The following STX18 variants were observed in gnomAD, a reference collection of about 807,000 sequenced individuals.
The protein encoded by STX18 is syntaxin 18, also known as syntaxin-18.
STX18 carries 40 observed loss-of-function variants against 50.1 expected under a neutral mutation model. That is an observed-to-expected ratio of 0.80 (90% confidence interval 0.62 to 1.04). The LOEUF is 1.04. STX18 is among the 50% of genes least tolerant of loss of function. STX18 has a pLI of 0.00. For synonymous variants in STX18, 158 were observed against 151.8 expected (o/e 1.04, Z -0.30); for missense variants, 410 against 415.8 (o/e 0.99, Z 0.12).
intron 1 of STX18, among the ~76,000 whole-genome samples, chr4:4,541,126 T>C (rs1731567412): frequency 6.6e-6 from 1 of 152,224 alleles, no homozygotes; most frequent in African/African-American, 2.4e-5. Context: ...AAACATTTAC[T>C]AAGCAATGCT....
chr4:4,468,436 G>A (rs1727732612), intron 2 of STX18, among the ~76,000 whole-genome samples: 1 of 152,006 alleles, frequency 6.6e-6, no homozygotes, highest in Admixed American at 6.5e-5. Flanking sequence ...CTGACATGTC[G>A]CCAGCCTGCG....
At chr4:4,535,922 C>A (rs1731308773) in intron 1 of STX18, among the ~76,000 whole-genome samples, 1 of 152,206 alleles carries the variant, frequency 6.6e-6, no homozygotes, top group African/African-American at 2.4e-5. Context: ...CCCAGCTCAA[C>A]CTTTGGGTCC....
intron 1 of STX18, among the ~76,000 whole-genome samples, chr4:4,538,557 A>G (rs909678683): frequency 1.1e-4 from 15 of 140,418 alleles, no homozygotes; most frequent in African/African-American, 3.9e-4. Context: ...TAAATGGCCT[A>G]CATGAGGAGG....
intron 2 of STX18, among the ~76,000 whole-genome samples, chr4:4,470,227 G>C (rs528311352): frequency 3.3e-5 from 5 of 152,316 alleles, no homozygotes; most frequent in African/African-American, 1.2e-4. Flanking sequence ...TCAGTTTTGG[G>C]CCGGGTAAGT....
At chr4:4,533,613 G>C (rs1348940268) in intron 1 of STX18, among the ~76,000 whole-genome samples, 1 of 152,200 alleles carries the variant, frequency 6.6e-6, no homozygotes, top group African/African-American at 2.4e-5. Flanking sequence ...CACACAAGTT[G>C]ACGTGAGCTT....
At chr4:4,421,020 T>C (rs1423406508) in intron 9 of STX18, 76 bp from the exon 10 acceptor site, 2 of 1,427,444 alleles carry the variant, frequency 1.4e-6, no homozygotes, top group African/African-American at 1.4e-5. Context: ...CCAACGAGCA[T>C]TTCCTTTGAG....
chr4:4,471,900 C>T lies in STX18; in HGVS notation c.169-194G>A, dbSNP rs1727940625. ...GGCCTCAGTCTCTCATCGATGGTTC[C>T]TTCCACCTCTAATTATTAGGACCTA... On this transcript the variant is annotated intron_variant, in intron 1 of 10. Transcript: ENST00000306200. Among the ~76,000 whole-genome samples, 3 of 152,322 alleles carry T rather than the reference C, an allele frequency of 2.0e-5. No homozygotes were observed. In the South Asian group the frequency reaches 6.2e-4, roughly 32 times the overall value.
chr4:4,434,279 A>T (rs1025532249), intron 7 of STX18, among the ~76,000 whole-genome samples: 3 of 152,194 alleles, frequency 2.0e-5, no homozygotes, highest in African/African-American at 7.2e-5. Flanking sequence ...TGGCAGACCT[A>T]TCAGTTCCTT....
chr4:4,489,390 AATTTTTTT>A (rs1316821344), intron 1 of STX18, among the ~76,000 whole-genome samples: 7 of 105,686 alleles, frequency 6.6e-5, no homozygotes, highest in African/African-American at 2.3e-4. Context: ...CATGCAAAAT[AATTTTTTT>A]TTTTTTTTTT....
At chr4:4,540,824 C>G (rs1307181992) in intron 1 of STX18, among the ~76,000 whole-genome samples, 2 of 152,168 alleles carry the variant, frequency 1.3e-5, no homozygotes, top group African/African-American at 2.4e-5. Flanking sequence ...TCAAAAATAT[C>G]TGAGTGTCTA....
chr4:4,540,080 C>T (rs1447825845), intron 1 of STX18, among the ~76,000 whole-genome samples: 1 of 152,182 alleles, frequency 6.6e-6, no homozygotes, highest in African/African-American at 2.4e-5. Context: ...TTCTCTTCCT[C>T]TTATTTCAAC....
In STX18 at chr4:4,419,965, G is replaced by C. The variant is rs926509094; in HGVS notation, c.*69C>G. 1.0e-5 allele frequency: 13 copies of C among 1,305,058 alleles called. 1 individual carries two copies. In the South Asian group the frequency reaches 1.6e-4, roughly 17 times the overall value. The allele number at this position is 1,305,058 out of a possible 1,614,324, so 80.8% of individuals were successfully genotyped here. Reference sequence around the variant, plus strand: ...CTGGTCATACCATGCTCCAGCACTGGAAGTACATGAAAGCACGCAGTCTGT... The same window carrying C: ...CTGGTCATACCATGCTCCAGCACTGCAAGTACATGAAAGCACGCAGTCTGT... On this transcript the variant is annotated 3_prime_UTR_variant, in exon 11 of 11. Transcript: ENST00000306200.
intron 1 of STX18, among the ~76,000 whole-genome samples, chr4:4,504,650 A>T (rs1729612658): frequency 6.6e-6 from 1 of 152,244 alleles, no homozygotes; most frequent in Non-Finnish European, 1.5e-5. Flanking sequence ...AATTAAAAAT[A>T]GGCAAAAGAC....
intron 5 of STX18, among the ~76,000 whole-genome samples, chr4:4,442,483 G>A (rs1487811815): frequency 6.6e-6 from 1 of 152,138 alleles, no homozygotes; most frequent in Non-Finnish European, 1.5e-5. Flanking sequence ...CGGGCGTGGT[G>A]GCACGCACCT....
At chr4:4,529,846 C>A (rs774321731) in intron 1 of STX18, among the ~76,000 whole-genome samples, 1 of 152,160 alleles carries the variant, frequency 6.6e-6, no homozygotes, top group Non-Finnish European at 1.5e-5. Context: ...CCATTATTAT[C>A]ATTTATTATG....
At chr4:4,469,903 T>C (rs1337209401) in intron 2 of STX18, among the ~76,000 whole-genome samples, 1 of 152,176 alleles carries the variant, frequency 6.6e-6, no homozygotes, top group Non-Finnish European at 1.5e-5. Flanking sequence ...GAGTAGGCTC[T>C]GATGCCACCT....
intron 4 of STX18, 31 bp downstream of exon 4, chr4:4,457,392 T>A (rs1727136513): frequency 2.5e-6 from 4 of 1,595,310 alleles, no homozygotes; most frequent in Non-Finnish European, 2.6e-6. Flanking sequence ...TGTGAAATGT[T>A]ACATTTGACC....
intron 1 of STX18, chr4:4,507,631 T>C (rs1729780191): frequency 2.6e-6 from 2 of 770,456 alleles, no homozygotes; most frequent in Admixed American, 3.4e-5. Context: ...GGCAAGAGAA[T>C]TCACGTGAAC....
chr4:4,499,610 T>C, intron 1 of STX18: 1 of 821,566 alleles, frequency 1.2e-6, no homozygotes, highest in Non-Finnish European at 1.5e-6. Context: ...AAACATTCAT[T>C]ATTCAATAGC....
Sources: gnomAD v4.1 joint callset for allele counts (sites outside exome capture counted in the v4.1 genomes callset) on GRCh38, gnomAD v4.1.1 for gene constraint, MANE v1.5 for transcripts, NCBI Gene and HGNC (gene_info 2026-07-23, HGNC 2026-07-21) for gene names.